The following NUBPL variants were observed in gnomAD, a reference collection of about 807,000 sequenced individuals.
The protein encoded by NUBPL is iron-sulfur cluster transfer protein NUBPL.
Under a neutral mutation model 45.7 loss-of-function variants are expected in NUBPL, and 31 were observed. The ratio of observed to expected loss-of-function variants is 0.68; its 90% CI spans 0.51 to 0.92. The LOEUF is 0.92. Among genes scored for constraint, NUBPL ranks in the 40% least tolerant of loss-of-function variants. The probability of loss-of-function intolerance (pLI) is 0.00; values close to 1 mark genes in which losing one functional copy is unlikely to be tolerated. For missense variants in NUBPL, 401 were observed against 398.7 expected (o/e 1.01, Z -0.05); for synonymous variants, 144 against 140.9 (o/e 1.02, Z -0.15).
chr14:31,824,231 CTCTGA>C (rs1247908512), intron 7 of NUBPL, among the ~76,000 whole-genome samples: 2 of 152,012 alleles, frequency 1.3e-5, no homozygotes, highest in Non-Finnish European at 2.9e-5. Context: ...GAAACAAAAA[CTCTGA>C]TAGGTTAAGT....
At chr14:31,725,547 C>A (rs897971858) in intron 6 of NUBPL, among the ~76,000 whole-genome samples, 1 of 151,974 alleles carries the variant, frequency 6.6e-6, no homozygotes, top group African/African-American at 2.4e-5. Context: ...ATACACATAG[C>A]CTGAAGGCAA....
At chr14:31,592,123 A>G (rs1028718965) in intron 3 of NUBPL, among the ~76,000 whole-genome samples, 5 of 152,228 alleles carry the variant, frequency 3.3e-5, no homozygotes, top group African/African-American at 1.2e-4. Context: ...AAATGAGAGT[A>G]GACTGTGTGA....
intron 1 of NUBPL, chr14:31,561,846 T>C: frequency 1.7e-6 from 1 of 604,754 alleles, no homozygotes; most frequent in Middle Eastern, 4.4e-4. Context: ...CGTTTTTACA[T>C]TTTTAAACGT....
chr14:31,732,927 T>A (rs550277127), intron 6 of NUBPL, among the ~76,000 whole-genome samples: 129 of 152,198 alleles, frequency 8.5e-4, no homozygotes, highest in African/African-American at 3.1e-3. Context: ...CTTTTATGGT[T>A]AGTACTTTTT....
At position 31,846,498 on chromosome 14, in the gene NUBPL, G is replaced by C. The variant is rs371325201; in HGVS notation, c.721G>C (p.Val241Leu). 2.4e-5 allele frequency: 38 copies of C among 1,612,728 alleles called. 1 individual carries two copies. In the South Asian group the frequency reaches 4.1e-4, roughly 17 times the overall value. ...CCTTGGCCTTGTCCAAAACATGAGT[G>C]TTTTCCAGTGTCCAAAATGTAAACA... ...PVLGLVQNMS[V>L]FQCPKCKHKT... Residue 241 changes from valine to leucine, a missense_variant, in exon 9 of 11, where the codon GTT becomes CTT. By Grantham distance (32) the Val-to-Leu change is conservative. Transcript: ENST00000281081.
intron 6 of NUBPL, among the ~76,000 whole-genome samples, chr14:31,731,866 G>A (rs2038055124): frequency 6.6e-6 from 1 of 152,056 alleles, no homozygotes; most frequent in African/African-American, 2.4e-5. Context: ...ATGGAATTTG[G>A]AATTCTAGCT....
chr14:31,727,691 C>A (rs969460167), intron 6 of NUBPL, among the ~76,000 whole-genome samples: 1 of 152,162 alleles, frequency 6.6e-6, no homozygotes, highest in Non-Finnish European at 1.5e-5. Flanking sequence ...TTAGTTTGTA[C>A]GTCTTGACTC....
At chr14:31,851,440 T>C (rs2040537658) in intron 10 of NUBPL, among the ~76,000 whole-genome samples, 1 of 152,182 alleles carries the variant, frequency 6.6e-6, no homozygotes, top group Admixed American at 6.5e-5. Flanking sequence ...ATATTCATTT[T>C]GAGTGATCTG....
chr14:31,763,914 C>T (rs1372610464), intron 6 of NUBPL, among the ~76,000 whole-genome samples: 9 of 152,186 alleles, frequency 5.9e-5, no homozygotes, highest in Non-Finnish European at 1.3e-4. Flanking sequence ...TTTAAACTGA[C>T]AGTCATGATA....
chr14:31,645,697 A>G lies in NUBPL; in HGVS notation c.383-27658A>G, dbSNP rs565838361. On this transcript the variant is annotated intron_variant, in intron 4 of 10. Coordinates refer to ENST00000281081, the MANE Select transcript of NUBPL (RefSeq NM_025152.3). Reference sequence around the variant, plus strand: ...AAAAACATAACAAGCTATTTTAGTGAGAGATTACAACCTGGGTCAGATCAC... The same window carrying G: ...AAAAACATAACAAGCTATTTTAGTGGGAGATTACAACCTGGGTCAGATCAC... 2.0e-5 allele frequency among the ~76,000 whole-genome samples: 3 copies of G among 152,054 alleles called. No homozygotes were observed. The East Asian group carries it at 5.8e-4, about 29-fold the overall frequency.
chr14:31,817,556 G>A (rs1163399251), intron 7 of NUBPL, among the ~76,000 whole-genome samples: 2 of 152,112 alleles, frequency 1.3e-5, no homozygotes, highest in Non-Finnish European at 2.9e-5. Flanking sequence ...TTTCAACCCA[G>A]AATTTCATAT....
intron 6 of NUBPL, among the ~76,000 whole-genome samples, chr14:31,740,364 A>T (rs1020514284): frequency 6.6e-6 from 1 of 152,150 alleles, no homozygotes; most frequent in Non-Finnish European, 1.5e-5. Flanking sequence ...ATGTAGTGGT[A>T]TCTTATTGTT....
intron 3 of NUBPL, among the ~76,000 whole-genome samples, chr14:31,593,400 GTTACT>G (rs1375251202): frequency 6.6e-6 from 1 of 151,082 alleles, no homozygotes; most frequent in Non-Finnish European, 1.5e-5. Context: ...TGTAGTCCCG[GTTACT>G]CGGGAGGCTG....
chr14:31,669,502 T>C (rs1324252225), intron 4 of NUBPL, among the ~76,000 whole-genome samples: 1 of 152,010 alleles, frequency 6.6e-6, no homozygotes, highest in East Asian at 1.9e-4. Context: ...TGAGTACATA[T>C]GAAGGTTTGT....
intron 4 of NUBPL, among the ~76,000 whole-genome samples, chr14:31,648,784 G>GTTCTATTC (rs2035922724): frequency 6.6e-6 from 1 of 152,174 alleles, no homozygotes; most frequent in African/African-American, 2.4e-5. Context: ...TGATATGTTA[G>GTTCTATTC]TTCTATTCTG....
At chr14:31,783,754 G>C (rs1021093563) in intron 6 of NUBPL, among the ~76,000 whole-genome samples, 1 of 152,216 alleles carries the variant, frequency 6.6e-6, no homozygotes, top group Admixed American at 6.5e-5. Context: ...CTGACCTCAA[G>C]TGATACGTGT....
At chr14:31,747,377 TC>T (rs1782878876) in intron 6 of NUBPL, among the ~76,000 whole-genome samples, 2 of 152,246 alleles carry the variant, frequency 1.3e-5, no homozygotes, top group South Asian at 4.1e-4. Flanking sequence ...GACCTTGTGG[TC>T]CACCCGCCTT....
chr14:31,761,991 G>T (rs2038820954), intron 6 of NUBPL, among the ~76,000 whole-genome samples: 1 of 152,068 alleles, frequency 6.6e-6, no homozygotes, highest in Admixed American at 6.6e-5. Context: ...GTTTTTTGGG[G>T]ATCAGTTTTA....
intron 10 of NUBPL, 23 bp downstream of exon 10, chr14:31,850,224 T>C (rs770201799): frequency 2.6e-6 from 4 of 1,568,262 alleles, no homozygotes. Flanking sequence ...TTTGGATACA[T>C]ATTTTTATTT....
Sources: gnomAD v4.1 joint callset for allele counts (sites outside exome capture counted in the v4.1 genomes callset) on GRCh38, gnomAD v4.1.1 for gene constraint, MANE v1.5 for transcripts, NCBI Gene and HGNC (gene_info 2026-07-23, HGNC 2026-07-21) for gene names.